The following TTC7A variants were observed in gnomAD, a reference collection of about 807,000 sequenced individuals.
TTC7A encodes tetratricopeptide repeat protein 7A.
TTC7A carries 110 observed loss-of-function variants against 103.7 expected under a neutral mutation model. The observed-to-expected ratio is 1.06, with a 90% CI of 0.91 to 1.24. TTC7A has a LOEUF of 1.24. TTC7A is among the 50% of genes most tolerant of loss of function. The pLI is 0.00. For synonymous variants in TTC7A, 521 were observed against 467.9 expected (o/e 1.11, Z -1.47); for missense variants, 1,340 against 1,116.3 (o/e 1.20, Z -2.86).
chr2:46,995,745 A>G (rs1184723617), intron 8 of TTC7A, among the ~76,000 whole-genome samples: 1 of 152,232 alleles, frequency 6.6e-6, no homozygotes, highest in African/African-American at 2.4e-5. Flanking sequence ...CGCAACAGCT[A>G]TTTATTGAGC....
intron 10 of TTC7A, among the ~76,000 whole-genome samples, chr2:47,010,324 A>G (rs1047976943): frequency 6.6e-6 from 1 of 152,228 alleles, no homozygotes; most frequent in Non-Finnish European, 1.5e-5. Flanking sequence ...GCTGTGTTCC[A>G]GTAAAACTTT....
chr2:47,030,346 A>G (rs73929360), intron 15 of TTC7A, among the ~76,000 whole-genome samples: 3,275 of 152,258 alleles, frequency 0.022, 106 homozygotes, highest in African/African-American at 0.075. Flanking sequence ...GGAGGTTCCC[A>G]TCACTGGGCT....
chr2:46,981,165 T>C (rs149885743), intron 5 of TTC7A, among the ~76,000 whole-genome samples: 5 of 152,338 alleles, frequency 3.3e-5, no homozygotes, highest in African/African-American at 1.2e-4. Context: ...CCCGCCACTT[T>C]AAATAATTAC....
chr2:47,014,524 C>G (rs550977779), intron 11 of TTC7A, among the ~76,000 whole-genome samples: 86 of 152,328 alleles, frequency 5.6e-4, no homozygotes, highest in African/African-American at 2.1e-3. Flanking sequence ...GCCTCACCAT[C>G]CCTAGTTCTA....
intron 8 of TTC7A, among the ~76,000 whole-genome samples, chr2:46,998,304 C>T (rs534781047): frequency 6.6e-6 from 1 of 152,160 alleles, no homozygotes; most frequent in Non-Finnish European, 1.5e-5. Flanking sequence ...ACCTTTCCCC[C>T]GGCTGCTGGA....
chr2:46,942,350 G>A (rs1416716311), intron 1 of TTC7A, among the ~76,000 whole-genome samples: 1 of 152,276 alleles, frequency 6.6e-6, no homozygotes, highest in Non-Finnish European at 1.5e-5. Context: ...GTGGCAGCGG[G>A]GAACACCCCG....
chr2:46,960,284 G>C (rs898665630), intron 3 of TTC7A, among the ~76,000 whole-genome samples: 1 of 152,206 alleles, frequency 6.6e-6, no homozygotes, highest in East Asian at 1.9e-4. Flanking sequence ...TCTGTGGTCA[G>C]CTGCTCCCAA....
chr2:46,971,799 T>G (rs576065647), intron 3 of TTC7A, among the ~76,000 whole-genome samples: 13 of 152,082 alleles, frequency 8.5e-5, no homozygotes, highest in Non-Finnish European at 1.5e-4. Flanking sequence ...ACTTACTACA[T>G]GTAAAGTACC....
At chr2:46,959,921 A>C (rs982220460) in intron 3 of TTC7A, among the ~76,000 whole-genome samples, 1 of 152,166 alleles carries the variant, frequency 6.6e-6, no homozygotes, top group Non-Finnish European at 1.5e-5. Context: ...GAAAAGAGTT[A>C]TTGTCCATGT....
chr2:47,022,438 G>A (rs548786967), intron 12 of TTC7A, among the ~76,000 whole-genome samples: 2 of 152,284 alleles, frequency 1.3e-5, no homozygotes, highest in East Asian at 1.9e-4. Context: ...GGCTGGGTAC[G>A]CAGCAGGTGC....
At chr2:46,940,644 C>A (rs747111523), upstream of TTC7A, among the ~76,000 whole-genome samples, 5 of 152,370 alleles carry the variant, frequency 3.3e-5, no homozygotes, top group African/African-American at 1.2e-4. The surrounding 1 kb of genome is among the most constrained non-coding windows in gnomAD (Gnocchi z 4.7). Flanking sequence ...GAGGACAGGT[C>A]AACGGGTTAG....
intron 3 of TTC7A, among the ~76,000 whole-genome samples, chr2:46,966,510 C>T (rs1004498833): frequency 6.6e-6 from 1 of 151,876 alleles, no homozygotes; most frequent in African/African-American, 2.4e-5. Flanking sequence ...CTCTATGTCA[C>T]TGTAAGTAAC....
chr2:47,029,464 A>G (rs1680287272), intron 15 of TTC7A, 80 bp downstream of exon 15: 8 of 1,502,682 alleles, frequency 5.3e-6, no homozygotes, highest in Non-Finnish European at 7.4e-6. Context: ...CTGCCCTGCC[A>G]TGGTGTCAGC....
chr2:46,916,132 G>C (rs994705361), upstream of TTC7A: 4 of 985,418 alleles, frequency 4.1e-6, no homozygotes, highest in African/African-American at 7.0e-5. Context: ...GGACCCCAAA[G>C]CTGGCTCCCA....
intron 18 of TTC7A, among the ~76,000 whole-genome samples, chr2:47,058,899 G>A (rs1265533228): frequency 6.6e-5 from 10 of 151,936 alleles, no homozygotes; most frequent in Non-Finnish European, 1.2e-4. Context: ...CTGGCCCAAA[G>A]GGGTGTGTGT....
chr2:47,001,898 G>A (rs181071058), intron 8 of TTC7A, among the ~76,000 whole-genome samples: 3 of 150,408 alleles, frequency 2.0e-5, no homozygotes, highest in East Asian at 3.9e-4. Context: ...CATGTCACAC[G>A]CATAGGGCTG....
At chr2:46,935,604 C>G (rs1558483006) in intron 2 of TTC7A, among the ~76,000 whole-genome samples, 1 of 152,102 alleles carries the variant, frequency 6.6e-6, no homozygotes, top group Non-Finnish European at 1.5e-5. Flanking sequence ...TGTACATTTA[C>G]TTTTCTAGAT....
At chr2:46,968,949 TTA>T (rs1277582284) in intron 3 of TTC7A, among the ~76,000 whole-genome samples, 25 of 151,298 alleles carry the variant, frequency 1.7e-4, no homozygotes, top group African/African-American at 5.6e-4. Context: ...TTTTTTTTTT[TTA>T]AGAGATAAAG....
chr2:46,946,544 C>A (rs1261977224), intron 1 of TTC7A, among the ~76,000 whole-genome samples: 1 of 152,156 alleles, frequency 6.6e-6, no homozygotes, highest in Non-Finnish European at 1.5e-5. Flanking sequence ...CCACCTCAGC[C>A]TTCCAAGTAG....
Sources: gnomAD v4.1 joint callset for allele counts (sites outside exome capture counted in the v4.1 genomes callset) on GRCh38, gnomAD v4.1.1 for gene constraint, Gnocchi (gnomAD v3.1) non-coding constraint, MANE v1.5 for transcripts, NCBI Gene and HGNC (gene_info 2026-07-23, HGNC 2026-07-21) for gene names.